The following AP2B1 variants were observed in gnomAD, a reference collection of about 807,000 sequenced individuals.
AP2B1 encodes the protein AP-2 complex subunit beta.
Under a neutral mutation model 102.0 loss-of-function variants are expected in AP2B1, and 23 were observed. The observed-to-expected ratio is 0.23, with a 90% CI of 0.16 to 0.32. The LOEUF is 0.32. Among genes scored for constraint, AP2B1 ranks in the 10% least tolerant of loss-of-function variants. AP2B1 has a pLI of 1.00. For synonymous variants in AP2B1, 381 were observed against 421.2 expected (o/e 0.90, Z 1.17); for missense variants, 541 against 1,157.4 (o/e 0.47, Z 7.73).
chr17:35,680,794 T>C (rs1387484574), intron 17 of AP2B1, among the ~76,000 whole-genome samples: 1 of 151,142 alleles, frequency 6.6e-6, no homozygotes, highest in African/African-American at 2.4e-5. Flanking sequence ...CCTCCCGGGT[T>C]CAAACAATTC....
intron 14 of AP2B1, 37 bp from the exon 15 acceptor site, chr17:35,670,820 C>T (rs1396295079): frequency 1.2e-6 from 2 of 1,610,024 alleles, no homozygotes; most frequent in Non-Finnish European, 1.7e-6. Context: ...TAAATGAACT[C>T]TACCTCTCTC....
intron 21 of AP2B1, among the ~76,000 whole-genome samples, chr17:35,720,570 TA>T (rs1403622665): frequency 0.016 from 795 of 49,712 alleles, 8 homozygotes; most frequent in African/African-American, 0.028. Flanking sequence ...TATATATATA[TA>T]TATTTTTTTT....
intron 17 of AP2B1, among the ~76,000 whole-genome samples, chr17:35,675,441 A>G (rs984503936): frequency 2.6e-5 from 4 of 152,224 alleles, no homozygotes; most frequent in Non-Finnish European, 5.9e-5. Flanking sequence ...TCATTTAACT[A>G]TCTAGAAAGT....
intron 12 of AP2B1, among the ~76,000 whole-genome samples, chr17:35,646,424 T>C (rs2074935309): frequency 6.6e-6 from 1 of 152,096 alleles, no homozygotes; most frequent in Admixed American, 6.5e-5. Flanking sequence ...CTCCTGACTT[T>C]TCAGCCTTGG....
At chr17:35,620,027 C>T (rs2074129778) in intron 5 of AP2B1, among the ~76,000 whole-genome samples, 1 of 152,108 alleles carries the variant, frequency 6.6e-6, no homozygotes, top group Non-Finnish European at 1.5e-5. Context: ...CTCAAGTGAT[C>T]CACCTGTTTC....
chr17:35,664,394 C>G (rs772101315), intron 14 of AP2B1, among the ~76,000 whole-genome samples: 29 of 152,202 alleles, frequency 1.9e-4, no homozygotes, highest in Non-Finnish European at 3.7e-4. Flanking sequence ...GCTGGGACTA[C>G]AGGCACATGC....
chr17:35,709,617 G>A (rs2076408459), intron 19 of AP2B1, among the ~76,000 whole-genome samples: 1 of 152,152 alleles, frequency 6.6e-6, no homozygotes, highest in Admixed American at 6.5e-5. Flanking sequence ...TTTGCTGTGT[G>A]ACTGGTCAAG....
At chr17:35,683,602 C>T (rs187923226) in intron 18 of AP2B1, among the ~76,000 whole-genome samples, 284 of 152,262 alleles carry the variant, frequency 1.9e-3, no homozygotes, top group Non-Finnish European at 3.5e-3. Context: ...TTTTAGAATG[C>T]TTGGGTGTCA....
intron 18 of AP2B1, among the ~76,000 whole-genome samples, chr17:35,706,465 G>T (rs923101006): frequency 1.3e-5 from 2 of 152,118 alleles, no homozygotes; most frequent in African/African-American, 4.8e-5. Context: ...TGTAGGGTAG[G>T]GCCTGGCATC....
chr17:35,709,077 A>T, intron 18 of AP2B1, 147 bp from the exon 19 acceptor site: 1 of 673,870 alleles, frequency 1.5e-6, no homozygotes, highest in Non-Finnish European at 2.7e-6. Context: ...TTTGCAGTAT[A>T]TGGGCCAGTT....
At chr17:35,674,028 AT>A in intron 16 of AP2B1, 147 bp from the exon 17 acceptor site, 1 of 725,226 alleles carries the variant, frequency 1.4e-6, no homozygotes, top group African/African-American at 1.8e-5. Context: ...CTGGCTTGAT[AT>A]TTATAGTATA....
chr17:35,613,329 G>A (rs1486696608), intron 5 of AP2B1, among the ~76,000 whole-genome samples: 1 of 151,504 alleles, frequency 6.6e-6, no homozygotes, highest in East Asian at 1.9e-4. Context: ...AAAATTCTTG[G>A]TGTTATATTG....
intron 2 of AP2B1, chr17:35,597,066 G>GGAC: frequency 1.8e-6 from 1 of 566,400 alleles, no homozygotes; most frequent in South Asian, 1.7e-5. Context: ...CGGGGGCGAA[G>GGAC]GACCCCTGGG....
chr17:35,612,017 T>C (rs1047323838), intron 5 of AP2B1, among the ~76,000 whole-genome samples: 1 of 152,232 alleles, frequency 6.6e-6, no homozygotes. Flanking sequence ...AGCTACTTGG[T>C]AGATTTTTGA....
intron 1 of AP2B1, among the ~76,000 whole-genome samples, chr17:35,593,278 A>T (rs1201376412): frequency 1.3e-5 from 2 of 152,216 alleles, no homozygotes; most frequent in Non-Finnish European, 2.9e-5. Context: ...CTGTACATTT[A>T]AAAATAACTA....
chr17:35,679,231 C>T lies in AP2B1; in HGVS notation c.2325-3464C>T, dbSNP rs116730158. On this transcript the variant is annotated intron_variant, in intron 17 of 21. Coordinates refer to ENST00000610402, the MANE Select transcript of AP2B1 (RefSeq NM_001030006.2). ...TCTGGTGTAGCCACAGCTTCTTAGCCTCTCTGAATCTAACTTGATTCTAGA... is the reference window on the plus strand; with the variant it reads ...TCTGGTGTAGCCACAGCTTCTTAGCTTCTCTGAATCTAACTTGATTCTAGA... 8.5e-3 allele frequency among the ~76,000 whole-genome samples: 1,294 copies of T among 152,262 alleles called. 11 individuals are homozygous for T. Among genetic ancestry groups the T allele is most frequent in the African/African-American group, 0.026 (1,070 of 41,530 alleles).
intron 20 of AP2B1, among the ~76,000 whole-genome samples, chr17:35,713,538 G>T (rs1438990318): frequency 2.0e-5 from 3 of 152,156 alleles, no homozygotes; most frequent in Admixed American, 1.3e-4. Context: ...CCTGGGTCTA[G>T]CTGAGAGCTA....
intron 14 of AP2B1, among the ~76,000 whole-genome samples, chr17:35,667,426 A>G (rs2075491705): frequency 6.6e-6 from 1 of 152,150 alleles, no homozygotes; most frequent in African/African-American, 2.4e-5. Flanking sequence ...GTCAGATCAG[A>G]GTTCATGTTT....
intron 6 of AP2B1, among the ~76,000 whole-genome samples, chr17:35,625,997 G>A (rs73990220): frequency 3.4e-4 from 52 of 152,274 alleles, no homozygotes; most frequent in African/African-American, 1.1e-3. Context: ...CATTTTATGA[G>A]GCATGTAAGT....
Sources: gnomAD v4.1 joint callset for allele counts (sites outside exome capture counted in the v4.1 genomes callset) on GRCh38, gnomAD v4.1.1 for gene constraint, MANE v1.5 for transcripts, NCBI Gene and HGNC (gene_info 2026-07-23, HGNC 2026-07-21) for gene names.